Variants in IQSEC1 observed in about 807,000 individuals in gnomAD.
The protein encoded by IQSEC1 is IQ motif and Sec7 domain ArfGEF 1, also known as IQ motif and SEC7 domain-containing protein 1.
A neutral mutation model predicts 91.0 loss-of-function variants in IQSEC1; 31 were observed. That is an observed-to-expected ratio of 0.34 (90% CI 0.26 to 0.46). The LOEUF is 0.46. IQSEC1 is among the 20% of genes least tolerant of loss of function. IQSEC1 has a pLI of 1.00. For synonymous variants in IQSEC1, 699 were observed against 662.6 expected, an observed-to-expected ratio of 1.05 and a Z score of -0.84; for missense variants, 1,388 against 1,575.6, an observed-to-expected ratio of 0.88 and a Z score of 2.02.
At chr3:13,031,661 T>C (rs1016243719) in intron 1 of IQSEC1, among the ~76,000 whole-genome samples, 22 of 151,840 alleles carry the variant, frequency 1.4e-4, no homozygotes, top group Non-Finnish European at 2.9e-4. Flanking sequence ...CAGAGTCTCA[T>C]GGAGCCGACA....
At chr3:13,244,149 C>A (rs1695069575) in intron 1 of IQSEC1, among the ~76,000 whole-genome samples, 1 of 152,196 alleles carries the variant, frequency 6.6e-6, no homozygotes, top group Admixed American at 6.5e-5. Flanking sequence ...CTGTTGCTTT[C>A]TTTAAAAAGC....
chr3:13,262,293 C>T (rs1695403739), intron 1 of IQSEC1, among the ~76,000 whole-genome samples: 1 of 152,198 alleles, frequency 6.6e-6, no homozygotes, highest in African/African-American at 2.4e-5. Context: ...AAAATAAATA[C>T]ATAAATACAT....
intron 1 of IQSEC1, among the ~76,000 whole-genome samples, chr3:13,026,111 G>A (rs1273983117): frequency 6.6e-6 from 1 of 152,248 alleles, no homozygotes; most frequent in Non-Finnish European, 1.5e-5. Context: ...GGAGGTGGAG[G>A]AGAGAATGAT....
At position 12,900,921 on chromosome 3, in the gene IQSEC1, C is replaced by T. The variant is rs1575827945; in HGVS notation, c.*62G>A. On this transcript the variant is annotated 3_prime_UTR_variant, in exon 14 of 14. Coordinates refer to ENST00000613206, the MANE Select transcript of IQSEC1 (RefSeq NM_001134382.3). ...GGGTTTGGTGTGCGGCTGGCGACCCCCGGGCGTGCCCTGTGTGGTGTGCAG... is the reference window on the plus strand; with the variant it reads ...GGGTTTGGTGTGCGGCTGGCGACCCTCGGGCGTGCCCTGTGTGGTGTGCAG... The T allele has an allele frequency of 2.0e-6, 3 of 1,536,944 alleles. No individual in the cohort carries two copies. The highest frequency in any genetic ancestry group is 1.4e-5 in the African/African-American group (1 of 73,128).
rs369857173 is a variant in IQSEC1 at position 13,021,334 on chromosome 3, T to G, written c.23+51658A>C. 9.8e-5 allele frequency among the ~76,000 whole-genome samples: 15 copies of G among 152,306 alleles called. 2 individuals carry two copies. The highest frequency in any genetic ancestry group is 9.6e-5 in the African/African-American group (4 of 41,574). On this transcript the variant is annotated intron_variant, in intron 1 of 13. Transcript: ENST00000613206. ...CTGCTCCACCCTTTCATTCTCACCA[T>G]GCAGGCGCCATTCCAGATACCCCCA... is the stretch of plus-strand genomic sequence containing the variant.
rs574133202 is a variant in IQSEC1 at position 13,266,972 on chromosome 3, G to A, written c.272+15739C>T. Among the ~76,000 whole-genome samples the A allele has an allele frequency of 9.6e-5, 13 of 135,590 alleles. 1 individual carries two copies. In the South Asian group the frequency reaches 3.0e-3, roughly 31 times the overall value. The allele number at this position is 135,590 out of a possible 152,430, so 89.0% of individuals were successfully genotyped here. ...CTGCACCCCTAACCCCCACACATAA[G>A]AGGCTCCATAACCGCTTACTCGATT... On this transcript the variant is annotated intron_variant, in intron 1 of 15. Coordinates refer to the IQSEC1 transcript ENST00000648114.
chr3:13,207,721 C>T lies in IQSEC1; in HGVS notation c.273-43588G>A, dbSNP rs993188021. Among the ~76,000 whole-genome samples the T allele has an allele frequency of 2.0e-5, 3 of 152,168 alleles. No homozygotes were observed. Among genetic ancestry groups the T allele is most frequent in the Admixed American group, 6.5e-5 (1 of 15,286 alleles). ...GCAGGGGCTTATCCCTGCCATCAGCCGGCCACGCCATCGCCAGCTCTCCCG... is the reference window on the plus strand; with the variant it reads ...GCAGGGGCTTATCCCTGCCATCAGCTGGCCACGCCATCGCCAGCTCTCCCG... On this transcript the variant is annotated intron_variant, in intron 1 of 15. Coordinates refer to the IQSEC1 transcript ENST00000648114. This position sits in a 1 kb window ranked among gnomAD's most constrained non-coding sequence, Gnocchi z 4.8.
At chr3:13,182,531 A>C (rs1168374917) in intron 1 of IQSEC1, among the ~76,000 whole-genome samples, 2 of 152,218 alleles carry the variant, frequency 1.3e-5, no homozygotes, top group Non-Finnish European at 2.9e-5. Flanking sequence ...GAGTGGATGC[A>C]TATAAAGATA....
At chr3:13,019,496 A>C (rs956724035) in intron 1 of IQSEC1, among the ~76,000 whole-genome samples, 1 of 152,252 alleles carries the variant, frequency 6.6e-6, no homozygotes, top group Non-Finnish European at 1.5e-5. Flanking sequence ...CTTGGGCCAC[A>C]GACCTGCTGA....
intron 1 of IQSEC1, among the ~76,000 whole-genome samples, chr3:13,176,530 T>C: frequency 6.6e-6 from 1 of 152,142 alleles, no homozygotes; most frequent in East Asian, 1.9e-4. Context: ...CGGGAACACA[T>C]TCTAAACACA....
intron 1 of IQSEC1, among the ~76,000 whole-genome samples, chr3:13,274,992 C>A (rs1695650775): frequency 6.6e-6 from 1 of 152,220 alleles, no homozygotes. Context: ...AGCAGCCCAG[C>A]GTGGTGGTGA....
At chr3:13,177,128 A>AG (rs1171004248) in intron 1 of IQSEC1, among the ~76,000 whole-genome samples, 3 of 152,226 alleles carry the variant, frequency 2.0e-5, no homozygotes, top group Non-Finnish European at 4.4e-5. Context: ...GACAATGGCG[A>AG]GGGGTGTACA....
At position 13,237,104 on chromosome 3, in the gene IQSEC1, T is replaced by C. The variant is rs1250301012; in HGVS notation, c.272+45607A>G. On this transcript the variant is annotated intron_variant, in intron 1 of 15. Coordinates refer to the IQSEC1 transcript ENST00000648114. The stretch of plus-strand genomic sequence containing the variant: ...AGGTCTCCCTCCGCCTCCCAGAACC[T>C]CTCCACTTTCCTCTGATTTCCATAG... 3.9e-5 allele frequency among the ~76,000 whole-genome samples: 6 copies of C among 152,322 alleles called. No individual in the cohort carries two copies. The East Asian group carries it at 1.2e-3, about 29-fold the overall frequency.
chr3:13,266,825 T>C (rs1695498850), intron 1 of IQSEC1, among the ~76,000 whole-genome samples: 1 of 152,008 alleles, frequency 6.6e-6, no homozygotes, highest in Non-Finnish European at 1.5e-5. Flanking sequence ...AGGCGGTCCT[T>C]CTAGCAAGCT....
intron 3 of IQSEC1, among the ~76,000 whole-genome samples, chr3:12,926,266 T>C (rs1033630808): frequency 3.3e-5 from 5 of 150,598 alleles, no homozygotes; most frequent in African/African-American, 1.2e-4. Context: ...GCCGAGATTG[T>C]ACCACTACAC....
intron 7 of IQSEC1, among the ~76,000 whole-genome samples, 188 bp downstream of exon 7, chr3:12,915,406 G>A (rs539188874): frequency 1.3e-3 from 191 of 152,334 alleles, no homozygotes; most frequent in Non-Finnish European, 2.4e-3. Flanking sequence ...AGATTGTAAC[G>A]CAGAGCCAAT....
intron 1 of IQSEC1, among the ~76,000 whole-genome samples, chr3:13,039,221 A>G (rs1704159996): frequency 2.6e-5 from 4 of 152,320 alleles, no homozygotes; most frequent in Admixed American, 2.0e-4. Context: ...CCCCACAACC[A>G]AGGCAGAACG....
intron 1 of IQSEC1, among the ~76,000 whole-genome samples, chr3:12,958,643 A>G (rs951863563): frequency 6.6e-6 from 1 of 152,238 alleles, no homozygotes; most frequent in Non-Finnish European, 1.5e-5. Flanking sequence ...GAAGGAACAT[A>G]GACCATCTGA....
At chr3:13,063,801 G>C (rs1705148600) in intron 1 of IQSEC1, among the ~76,000 whole-genome samples, 1 of 152,160 alleles carries the variant, frequency 6.6e-6, no homozygotes, top group African/African-American at 2.4e-5. Context: ...AAGGGCCCAA[G>C]GTGTCTCAGG....
Sources: gnomAD v4.1 joint callset for allele counts (sites outside exome capture counted in the v4.1 genomes callset) on GRCh38, gnomAD v4.1.1 for gene constraint, Gnocchi (gnomAD v3.1) non-coding constraint, MANE v1.5 for transcripts, NCBI Gene and HGNC (gene_info 2026-07-23, HGNC 2026-07-21) for gene names.